Variants in SMAP1 observed in about 807,000 individuals in gnomAD.
The protein encoded by SMAP1 is small ArfGAP 1.
A neutral mutation model predicts 58.5 loss-of-function variants in SMAP1; 24 were observed. The observed-to-expected ratio is 0.41, with a 90% CI of 0.30 to 0.58. The LOEUF (loss-of-function observed/expected upper bound fraction) is 0.58, where lower values mean the gene tolerates loss of function less well. Ranked by LOEUF, SMAP1 falls within the 20% of genes least tolerant of loss-of-function variation. The pLI, the probability that SMAP1 is intolerant of heterozygous loss-of-function variation, is 0.29. For missense variants in SMAP1, 563 were observed against 566.3 expected, an observed-to-expected ratio of 0.99 and a Z score of 0.06; for synonymous variants, 216 against 196.6, an observed-to-expected ratio of 1.10 and a Z score of -0.82.
At chr6:70,778,196 G>A (rs1362989682) in intron 4 of SMAP1, among the ~76,000 whole-genome samples, 1 of 152,110 alleles carries the variant, frequency 6.6e-6, no homozygotes, top group Non-Finnish European at 1.5e-5. Flanking sequence ...ACCCCCTCAA[G>A]TGTTATCCTT....
chr6:70,855,048 TTTCATA>T (rs1160186592), intron 8 of SMAP1, among the ~76,000 whole-genome samples: 15 of 52,426 alleles, frequency 2.9e-4, no homozygotes, highest in Admixed American at 2.4e-3. Flanking sequence ...TTTCCTGTTC[TTTCATA>T]TACATATACA....
intron 4 of SMAP1, among the ~76,000 whole-genome samples, chr6:70,783,840 A>C (rs528000615): frequency 6.6e-6 from 1 of 152,220 alleles, no homozygotes; most frequent in African/African-American, 2.4e-5. Flanking sequence ...TGTACCTGAA[A>C]GTGACGGGGA....
At chr6:70,760,103 A>G (rs1004287486) in intron 3 of SMAP1, among the ~76,000 whole-genome samples, 1 of 152,046 alleles carries the variant, frequency 6.6e-6, no homozygotes, top group Non-Finnish European at 1.5e-5. Context: ...TCTGAGTAAA[A>G]TCAGTGCTGC....
chr6:70,767,028 C>G (rs1163636183), intron 3 of SMAP1, among the ~76,000 whole-genome samples: 6 of 151,888 alleles, frequency 4.0e-5, no homozygotes, highest in Admixed American at 6.6e-5. Context: ...GCTTGTTTTT[C>G]TCAGGTTTGT....
intron 1 of SMAP1, among the ~76,000 whole-genome samples, chr6:70,683,609 G>A (rs918261407): frequency 2.6e-5 from 4 of 152,204 alleles, no homozygotes; most frequent in South Asian, 2.1e-4. Flanking sequence ...ATTCCAGACA[G>A]CATTCATTCT....
At chr6:70,675,650 CA>C (rs571061801) in intron 1 of SMAP1, among the ~76,000 whole-genome samples, 3,530 of 82,422 alleles carry the variant, frequency 0.043, 45 homozygotes, top group Non-Finnish European at 0.063. Flanking sequence ...GACTCCATCT[CA>C]AAAAAAAAAA....
intron 1 of SMAP1, among the ~76,000 whole-genome samples, chr6:70,675,565 C>T (rs902704871): frequency 2.6e-5 from 4 of 151,036 alleles, no homozygotes; most frequent in Admixed American, 2.0e-4. Flanking sequence ...ACAGGAGAAT[C>T]ACTTGAAACC....
intron 2 of SMAP1, among the ~76,000 whole-genome samples, chr6:70,740,472 A>T (rs1444947430): frequency 1.2e-5 from 1 of 81,542 alleles, no homozygotes; most frequent in African/African-American, 7.5e-5. Flanking sequence ...TCTCAAAAAA[A>T]AAAAAACAAA....
intron 2 of SMAP1, among the ~76,000 whole-genome samples, chr6:70,741,813 C>T (rs1205087020): frequency 2.0e-5 from 3 of 152,218 alleles, no homozygotes; most frequent in Non-Finnish European, 4.4e-5. Flanking sequence ...TCCATATATC[C>T]TCTGAAATCT....
At chr6:70,747,662 C>T (rs1766101691) in intron 2 of SMAP1, among the ~76,000 whole-genome samples, 1 of 152,060 alleles carries the variant, frequency 6.6e-6, no homozygotes, top group Non-Finnish European at 1.5e-5. Context: ...CTGAGCTGGG[C>T]CTTAAGCACC....
At chr6:70,847,534 C>T (rs138308563) in intron 7 of SMAP1, among the ~76,000 whole-genome samples, 150 of 152,234 alleles carry the variant, frequency 9.9e-4, no homozygotes, top group Non-Finnish European at 1.4e-3. Flanking sequence ...GATGTCTTGC[C>T]TTTAAGATGG....
chr6:70,857,145 G>T (rs1337988134), intron 9 of SMAP1, 115 bp downstream of exon 9: 1 of 1,080,778 alleles, frequency 9.3e-7, no homozygotes, highest in Non-Finnish European at 1.3e-6. Flanking sequence ...TGCTTTTGTT[G>T]TTGCAGTTTA....
At chr6:70,839,181 G>C in intron 7 of SMAP1, among the ~76,000 whole-genome samples, 1 of 152,168 alleles carries the variant, frequency 6.6e-6, no homozygotes, top group East Asian at 1.9e-4. Context: ...AGCTAGGGCA[G>C]CTCTACTGTA....
intron 1 of SMAP1, among the ~76,000 whole-genome samples, chr6:70,691,714 T>A (rs1360446179): frequency 6.6e-6 from 1 of 152,230 alleles, no homozygotes; most frequent in Non-Finnish European, 1.5e-5. Context: ...GTGAGAAGTT[T>A]GTCTTTCTGT....
In SMAP1 at chr6:70,805,000, G is replaced by A. The variant is rs9455233; in HGVS notation, c.576+6263G>A. Among the ~76,000 whole-genome samples the A allele has an allele frequency of 6.3e-3, 950 of 151,822 alleles. 6 individuals carry two copies. Among genetic ancestry groups the A allele is most frequent in the African/African-American group, 0.022 (908 of 41,352 alleles). ...TGTCTTGGGTTGCTCTTCTTGAAGAGTATCTTTGTGGTGTTCTGTGTTTTT... is the reference window on the plus strand; with the variant it reads ...TGTCTTGGGTTGCTCTTCTTGAAGAATATCTTTGTGGTGTTCTGTGTTTTT... On this transcript the variant is annotated intron_variant, in intron 6 of 10. Transcript: ENST00000370455.
intron 3 of SMAP1, among the ~76,000 whole-genome samples, chr6:70,760,822 C>G (rs1172873450): frequency 1.3e-5 from 2 of 152,056 alleles, no homozygotes; most frequent in Admixed American, 1.3e-4. Flanking sequence ...TTGCAATTTA[C>G]AAAAGTTATG....
chr6:70,679,136 G>T (rs1766600344), intron 1 of SMAP1, among the ~76,000 whole-genome samples: 1 of 151,160 alleles, frequency 6.6e-6, no homozygotes, highest in Non-Finnish European at 1.5e-5. Flanking sequence ...CGATTCTCCT[G>T]TCTCAGCCTC....
At chr6:70,703,050 T>C (rs1405817042) in intron 1 of SMAP1, among the ~76,000 whole-genome samples, 1 of 152,070 alleles carries the variant, frequency 6.6e-6, no homozygotes, top group Non-Finnish European at 1.5e-5. Context: ...TTGACTTTCC[T>C]CCTTTTTATA....
At chr6:70,856,159 G>A (rs186864075) in intron 8 of SMAP1, among the ~76,000 whole-genome samples, 1 of 152,258 alleles carries the variant, frequency 6.6e-6, no homozygotes, top group African/African-American at 2.4e-5. Flanking sequence ...TAGTGACTAC[G>A]GAGATGATTA....
Sources: allele counts gnomAD v4.1 joint callset (sites outside exome capture counted in the v4.1 genomes callset), GRCh38; gene constraint gnomAD v4.1.1; transcripts MANE v1.5; gene names NCBI Gene and HGNC (gene_info 2026-07-23, HGNC 2026-07-21).